Variants in DBT observed in about 807,000 individuals in gnomAD.
DBT encodes lipoamide acyltransferase component of branched-chain alpha-keto acid dehydrogenase complex, mitochondrial.
In DBT, 40 loss-of-function variants were observed where a neutral mutation model predicts 51.3. That is an observed-to-expected ratio of 0.78 (90% CI 0.61 to 1.02). The LOEUF (loss-of-function observed/expected upper bound fraction) is 1.02. Ranked by LOEUF, DBT falls within the 50% of genes least tolerant of loss-of-function variation. The pLI, the probability that DBT is intolerant of heterozygous loss-of-function variation, is 0.00. For missense variants in DBT, 510 were observed against 580.2 expected, an observed-to-expected ratio of 0.88 and a Z score of 1.24; for synonymous variants, 181 against 190.4, an observed-to-expected ratio of 0.95 and a Z score of 0.41.
At chr1:100,206,323 A>C (rs1557944030) in intron 9 of DBT, 22 bp from the exon 10 acceptor site, 1 of 1,568,744 alleles carries the variant, frequency 6.4e-7, no homozygotes. Context: ...AAAAAAAAAA[A>C]GGAGAGTATT....
At position 100,230,747 on chromosome 1, in the gene DBT, G is replaced by C; in HGVS notation, c.419C>G (p.Thr140Arg). The C allele has an allele frequency of 1.2e-6, 2 of 1,608,250 alleles. No individual in the cohort carries two copies. The highest frequency in any genetic ancestry group is 1.7e-6 in the Non-Finnish European group (2 of 1,176,178). The stretch of plus-strand genomic sequence containing the variant: ...ACTTACAATACCTTTTAAAGCTTCC[G>C]TTTCTATGTCTACTAATGGCTTCCC... ...YVGKPLVDIETEALKDSEEDV... is the reference protein window; with the variant it reads ...YVGKPLVDIEREALKDSEEDV... Residue 140 changes from threonine (T) to arginine (R), a missense_variant, in exon 4 of 11, where the codon ACG becomes AGG. Thr to Arg is a moderately conservative substitution (Grantham distance 71, BLOSUM62 -1). Coordinates refer to ENST00000370132, the MANE Select transcript of DBT (RefSeq NM_001918.5).
chr1:100,231,046 G>A (rs1663529543), intron 3 of DBT, 132 bp from the exon 4 acceptor site: 4 of 648,442 alleles, frequency 6.2e-6, no homozygotes, highest in Non-Finnish European at 1.1e-5. Context: ...GGTGTACTAA[G>A]CAATGTTTCA....
rs767640106 is a variant in DBT, at chr1:100,210,678, A to T, written c.1017+16T>A. ...TTCTATTAATAATAAGAACATTTTT[A>T]CTCTGCATAGCCAACCTTATATGTT... On this transcript the variant is annotated intron_variant, in intron 8 of 10. Coordinates refer to ENST00000370132, the MANE Select transcript of DBT (RefSeq NM_001918.5). The T allele has an allele frequency of 4.3e-6, 7 of 1,612,954 alleles. No individual in the cohort carries two copies. Among genetic ancestry groups the T allele is most frequent in the Non-Finnish European group, 5.9e-6 (7 of 1,179,274 alleles).
intron 8 of DBT, among the ~76,000 whole-genome samples, chr1:100,207,400 A>G (rs187519714): frequency 1.3e-5 from 2 of 152,322 alleles, no homozygotes; most frequent in South Asian, 2.1e-4. Context: ...GATAAAATAC[A>G]TATATAATAA....
chr1:100,248,156 C>T (rs985050222), intron 1 of DBT, among the ~76,000 whole-genome samples: 1 of 151,570 alleles, frequency 6.6e-6, no homozygotes, highest in African/African-American at 2.4e-5. Context: ...CTAGCCGGGG[C>T]CATGTAACAC....
At chr1:100,239,692 A>T (rs1268045896) in intron 2 of DBT, among the ~76,000 whole-genome samples, 2 of 151,978 alleles carry the variant, frequency 1.3e-5, no homozygotes, top group African/African-American at 4.8e-5. Context: ...GCACTGTGAC[A>T]ACATCCTGAT....
intron 4 of DBT, among the ~76,000 whole-genome samples, chr1:100,225,826 CAAAAAAAAA>C (rs71084809): frequency 1.2e-5 from 1 of 86,934 alleles, no homozygotes; most frequent in East Asian, 3.6e-4. Flanking sequence ...CTCCATCTCA[CAAAAAAAAA>C]AAAAAAAAAA....
At chr1:100,234,563 C>T (rs1246219981) in intron 3 of DBT, among the ~76,000 whole-genome samples, 1 of 151,882 alleles carries the variant, frequency 6.6e-6, no homozygotes, top group East Asian at 1.9e-4. Flanking sequence ...ATTTCTTATA[C>T]ATGACATTAT....
At chr1:100,229,873 G>A (rs1036921103) in intron 4 of DBT, among the ~76,000 whole-genome samples, 1 of 152,234 alleles carries the variant, frequency 6.6e-6, no homozygotes, top group Non-Finnish European at 1.5e-5. Context: ...GTTTTCCTCT[G>A]TAACATTCTC....
At chr1:100,236,882 C>T (rs190578793) in intron 2 of DBT, among the ~76,000 whole-genome samples, 58 of 152,214 alleles carry the variant, frequency 3.8e-4, no homozygotes, top group African/African-American at 1.3e-3. Context: ...GCCGAAGATG[C>T]GGTATGTGGC....
intron 10 of DBT, among the ~76,000 whole-genome samples, chr1:100,199,182 T>G (rs1661282163): frequency 6.6e-6 from 1 of 152,150 alleles, no homozygotes; most frequent in African/African-American, 2.4e-5. Context: ...CAACCCTTAT[T>G]CTAAGTCAGT....
chr1:100,200,508 C>T lies in DBT; in HGVS notation c.1282-4086G>A, dbSNP rs912956529. ...AGCAGAATTAAACCTTCCTGCCTGC[C>T]GACTCTGAAAAGAGCAGTGGATCTC... is the stretch of plus-strand genomic sequence containing the variant. On this transcript the variant is annotated intron_variant, in intron 10 of 10. Coordinates refer to ENST00000370132, the MANE Select transcript of DBT (RefSeq NM_001918.5). 1.2e-4 allele frequency among the ~76,000 whole-genome samples: 18 copies of T among 152,308 alleles called. No homozygotes were observed. In the East Asian group the frequency reaches 3.1e-3, roughly 26 times the overall value.
At chr1:100,213,672 G>C in intron 7 of DBT, 1 of 1,610,232 alleles carries the variant, frequency 6.2e-7, no homozygotes. Flanking sequence ...TTCGCTTAAA[G>C]GGAACACCAG....
intron 3 of DBT, among the ~76,000 whole-genome samples, chr1:100,234,821 T>C (rs1344311657): frequency 6.6e-6 from 1 of 152,194 alleles, no homozygotes; most frequent in Non-Finnish European, 1.5e-5. Context: ...AAGAAAAGAA[T>C]GTTCAGGTGG....
chr1:100,241,366 T>TTG (rs58256713), intron 1 of DBT, among the ~76,000 whole-genome samples: 2,282 of 144,050 alleles, frequency 0.016, 47 homozygotes, highest in African/African-American at 0.048. Flanking sequence ...CTGAAAGGTA[T>TTG]TGTGTGTGTG....
chr1:100,210,621 A>C, intron 8 of DBT, 73 bp downstream of exon 8: 1 of 1,599,286 alleles, frequency 6.3e-7, no homozygotes, highest in Non-Finnish European at 8.5e-7. Flanking sequence ...GTACAATAGA[A>C]GTCTCTAATC....
intron 3 of DBT, among the ~76,000 whole-genome samples, chr1:100,233,525 C>T (rs1382569699): frequency 6.6e-6 from 1 of 152,138 alleles, no homozygotes; most frequent in African/African-American, 2.4e-5. Context: ...CATATTTTTT[C>T]CTTAAGTTAT....
At chr1:100,216,776 A>C (rs980100236) in intron 5 of DBT, among the ~76,000 whole-genome samples, 2 of 152,218 alleles carry the variant, frequency 1.3e-5, no homozygotes, top group Non-Finnish European at 2.9e-5. Context: ...ATCATAATAC[A>C]AAAGCTCTCT....
intron 3 of DBT, 129 bp from the exon 4 acceptor site, chr1:100,231,043 T>A: frequency 3.1e-6 from 2 of 653,272 alleles, no homozygotes; most frequent in South Asian, 1.8e-5. Context: ...GATGGTGTAC[T>A]AAGCAATGTT....
Sources: allele counts gnomAD v4.1 joint callset (sites outside exome capture counted in the v4.1 genomes callset), GRCh38; gene constraint gnomAD v4.1.1; transcripts MANE v1.5; gene names NCBI Gene and HGNC (gene_info 2026-07-23, HGNC 2026-07-21).